The following FAM210A variants were observed in gnomAD, a reference collection of about 807,000 sequenced individuals.
FAM210A encodes the protein mitochondrial inner membrane scaffold 1, also known as family with sequence similarity 210 member A.
A neutral mutation model predicts 25.3 loss-of-function variants in FAM210A; 13 were observed. The observed-to-expected ratio is 0.51, with a 90% CI of 0.33 to 0.82. The LOEUF (loss-of-function observed/expected upper bound fraction) is 0.82, where lower values mean the gene tolerates loss of function less well. Ranked by LOEUF, FAM210A falls within the 40% of genes least tolerant of loss-of-function variation. FAM210A has a pLI of 0.02. For synonymous variants in FAM210A, 125 were observed against 118.7 expected (o/e 1.05, Z -0.35); for missense variants, 319 against 323.2 (o/e 0.99, Z 0.10).
intron 1 of FAM210A, among the ~76,000 whole-genome samples, chr18:13,706,140 T>C (rs950420817): frequency 6.6e-6 from 1 of 152,110 alleles, no homozygotes; most frequent in Non-Finnish European, 1.5e-5. Flanking sequence ...AATCTCACAA[T>C]AGAGAAGGGT....
intron 3 of FAM210A, among the ~76,000 whole-genome samples, chr18:13,670,147 G>A (rs913665456): frequency 6.6e-6 from 1 of 152,032 alleles, no homozygotes; most frequent in African/African-American, 2.4e-5. Flanking sequence ...CAAGAAAGAA[G>A]ACATGATTCT....
At chr18:13,667,271 T>C (rs942951210) in intron 3 of FAM210A, among the ~76,000 whole-genome samples, 1 of 152,208 alleles carries the variant, frequency 6.6e-6, no homozygotes, top group African/African-American at 2.4e-5. Flanking sequence ...TCCTAGCCAC[T>C]AATTTACACA....
chr18:13,683,666 A>G (rs1414591494), intron 1 of FAM210A, among the ~76,000 whole-genome samples: 1 of 151,428 alleles, frequency 6.6e-6, no homozygotes, highest in Non-Finnish European at 1.5e-5. Flanking sequence ...AGTAGCCATT[A>G]CCATATAGTC....
At chr18:13,695,594 C>A (rs942450983) in intron 1 of FAM210A, among the ~76,000 whole-genome samples, 1 of 151,950 alleles carries the variant, frequency 6.6e-6, no homozygotes. Flanking sequence ...AACCATCATT[C>A]TGAGTAAACT....
chr18:13,690,017 C>A (rs780104708), intron 1 of FAM210A, among the ~76,000 whole-genome samples: 1 of 152,216 alleles, frequency 6.6e-6, no homozygotes, highest in Non-Finnish European at 1.5e-5. Flanking sequence ...CAAAGGGAAG[C>A]CGTGACAGAC....
Position 13,685,493 on chromosome 18 carries a change from C to A in FAM210A, c.-28-3388G>T, listed in dbSNP as rs7234303. On this transcript the variant is annotated intron_variant, in intron 1 of 3. Coordinates refer to ENST00000651643, the MANE Select transcript of FAM210A (RefSeq NM_152352.4). ...TGAGACTTCATCTATGTATTAAGAA[C>A]CTTGGTATCCACAACCCCTTATCTT... is the stretch of plus-strand genomic sequence containing the variant. 8.3e-3 allele frequency among the ~76,000 whole-genome samples: 1,260 copies of A among 152,276 alleles called. 21 individuals carry two copies. Among genetic ancestry groups the A allele is most frequent in the African/African-American group, 0.029 (1,196 of 41,554 alleles).
intron 3 of FAM210A, among the ~76,000 whole-genome samples, chr18:13,669,940 G>A (rs1435654831): frequency 2.6e-5 from 4 of 152,100 alleles, no homozygotes; most frequent in Non-Finnish European, 5.9e-5. Context: ...TGAGAAACTG[G>A]GGGTTACAGA....
intron 1 of FAM210A, among the ~76,000 whole-genome samples, chr18:13,723,053 C>T (rs768964461): frequency 1.7e-4 from 26 of 152,052 alleles, no homozygotes; most frequent in Non-Finnish European, 2.8e-4. Flanking sequence ...CTCATTAATT[C>T]GATTAAAATG....
chr18:13,711,430 CA>C (rs2043820543), intron 1 of FAM210A, among the ~76,000 whole-genome samples: 1 of 151,948 alleles, frequency 6.6e-6, no homozygotes, highest in Non-Finnish European at 1.5e-5. Flanking sequence ...ATAAACAAAA[CA>C]AAAAAACCAG....
chr18:13,676,631 C>T (rs1485873905), intron 2 of FAM210A, among the ~76,000 whole-genome samples: 5 of 152,232 alleles, frequency 3.3e-5, no homozygotes, highest in Non-Finnish European at 7.3e-5. Context: ...ACACAATAGT[C>T]TACAGTTAAT....
intron 3 of FAM210A, among the ~76,000 whole-genome samples, chr18:13,671,197 C>G (rs922063619): frequency 9.9e-5 from 15 of 152,230 alleles, no homozygotes; most frequent in East Asian, 3.9e-4. Flanking sequence ...GAGGCCCCCC[C>G]CTTCTGTCTC....
chr18:13,701,251 T>C lies in FAM210A; in HGVS notation c.-28-19146A>G, dbSNP rs548478263. On this transcript the variant is annotated intron_variant, in intron 1 of 3. Transcript: ENST00000651643. ...CTCAGATTTCGGAGCTCTACAGATTTGTGTTTTGAGCTCTTGAGTTTCTCT... is the reference window on the plus strand; with the variant it reads ...CTCAGATTTCGGAGCTCTACAGATTCGTGTTTTGAGCTCTTGAGTTTCTCT... 9.9e-5 allele frequency among the ~76,000 whole-genome samples: 15 copies of C among 152,248 alleles called. No homozygotes were observed. In the East Asian group the frequency reaches 2.9e-3, roughly 29 times the overall value.
chr18:13,688,659 C>T (rs893011950), intron 1 of FAM210A, among the ~76,000 whole-genome samples: 4 of 152,230 alleles, frequency 2.6e-5, no homozygotes, highest in Admixed American at 1.3e-4. Context: ...GGCTCTTTGC[C>T]CTCACTGGCG....
rs1489321401 is a variant in FAM210A, at chr18:13,663,449, T to A, written c.*3031A>T. 6.6e-6 allele frequency: 1 copy of A among 152,116 alleles called. No homozygotes were observed. The highest frequency in any genetic ancestry group is 2.4e-5 in the African/African-American group (1 of 41,414). The allele number at this position is 152,116 out of a possible 1,614,324, so 9.4% of individuals were successfully genotyped here. The stretch of plus-strand genomic sequence containing the variant: ...TTCTTGAAATCTGTAAACAGCACCC[T>A]GCTGTATGTACAAAAGGCTGTCTCA... On this transcript the variant is annotated 3_prime_UTR_variant, in exon 4 of 4. Transcript: ENST00000651643.
At chr18:13,715,067 CT>C (rs924331673) in intron 1 of FAM210A, 169 of 151,962 alleles carry the variant, frequency 1.1e-3, no homozygotes, top group African/African-American at 4.0e-3. Context: ...TATATATAAT[CT>C]TATACATAAA....
chr18:13,669,508 C>T (rs1294984825), intron 3 of FAM210A, among the ~76,000 whole-genome samples: 1 of 152,110 alleles, frequency 6.6e-6, no homozygotes, highest in East Asian at 1.9e-4. Flanking sequence ...AATGCTCCTC[C>T]CTCTTGGAGG....
Position 13,666,729 on chromosome 18 carries a change from A to G in FAM210A, c.586-16T>C. On this transcript the variant is annotated splice_polypyrimidine_tract_variant and intron_variant, in intron 3 of 3. Transcript: ENST00000651643. ...GTGTTGCAATCTTAAGCAAAAAGCA[A>G]ACAGAGGCAAATCAAAACCTGGTTA... 1 of 1,599,484 alleles carries G rather than the reference A, an allele frequency of 6.3e-7. No homozygotes were observed. Among genetic ancestry groups the G allele is most frequent in the Non-Finnish European group, 8.5e-7 (1 of 1,170,526 alleles).
intron 2 of FAM210A, among the ~76,000 whole-genome samples, chr18:13,681,377 T>C (rs2043551858): frequency 6.6e-6 from 1 of 152,238 alleles, no homozygotes; most frequent in South Asian, 2.1e-4. Flanking sequence ...TTGCTTTATA[T>C]GGTTGCTGGG....
intron 1 of FAM210A, chr18:13,715,287 G>A (rs1013864506): frequency 2.6e-5 from 4 of 152,108 alleles, no homozygotes; most frequent in Admixed American, 6.6e-5. Context: ...TAGTGCAGAC[G>A]CCTGATCAGC....
Sources: allele counts gnomAD v4.1 joint callset (sites outside exome capture counted in the v4.1 genomes callset), GRCh38; gene constraint gnomAD v4.1.1; transcripts MANE v1.5; gene names NCBI Gene and HGNC (gene_info 2026-07-23, HGNC 2026-07-21).